GNA14: variants seen among roughly 807,000 people sequenced by gnomAD.
The protein encoded by GNA14 is guanine nucleotide-binding protein subunit alpha-14.
GNA14 carries 50 observed loss-of-function variants against 42.0 expected under a neutral mutation model. That is an observed-to-expected ratio of 1.19 (90% CI 0.95 to 1.51). GNA14 has a LOEUF of 1.51. Among genes scored for constraint, GNA14 ranks in the 40% most tolerant of loss-of-function variants. The pLI, the probability that GNA14 is intolerant of heterozygous loss-of-function variation, is 0.00. For synonymous variants in GNA14, 173 were observed against 163.1 expected, an observed-to-expected ratio of 1.06 and a Z score of -0.46; for missense variants, 473 against 446.2, an observed-to-expected ratio of 1.06 and a Z score of -0.54.
intron 2 of GNA14, among the ~76,000 whole-genome samples, chr9:77,485,764 T>C (rs758559743): frequency 6.6e-6 from 1 of 152,178 alleles, no homozygotes; most frequent in Non-Finnish European, 1.5e-5. Context: ...ACCAGGTGCA[T>C]TGTCAATGAG....
intron 1 of GNA14, among the ~76,000 whole-genome samples, chr9:77,562,275 G>T (rs1564054233): frequency 6.6e-6 from 1 of 152,110 alleles, no homozygotes; most frequent in Non-Finnish European, 1.5e-5. Context: ...TGGAAAGTCT[G>T]GGGAGAAAGA....
intron 1 of GNA14, among the ~76,000 whole-genome samples, chr9:77,573,783 T>G (rs1285013286): frequency 6.6e-6 from 1 of 152,212 alleles, no homozygotes; most frequent in Non-Finnish European, 1.5e-5. Flanking sequence ...TTATAACTTC[T>G]GTCTGCTTCT....
At chr9:77,451,909 G>A (rs1835908042) in intron 2 of GNA14, among the ~76,000 whole-genome samples, 2 of 152,278 alleles carry the variant, frequency 1.3e-5, no homozygotes, top group East Asian at 1.9e-4. Flanking sequence ...GCAACCAGAC[G>A]AGCACAGGTA....
At chr9:77,638,176 T>C (rs1824211273) in intron 1 of GNA14, among the ~76,000 whole-genome samples, 1 of 152,192 alleles carries the variant, frequency 6.6e-6, no homozygotes, top group Admixed American at 6.5e-5. Flanking sequence ...CACTGTACCA[T>C]CCAGTCATTA....
chr9:77,554,446 G>GT (rs1443879890), intron 1 of GNA14, among the ~76,000 whole-genome samples: 1 of 152,084 alleles, frequency 6.6e-6, no homozygotes, highest in Admixed American at 6.5e-5. Flanking sequence ...TTTGTTAAAA[G>GT]TTTTTTTAAA....
At chr9:77,439,853 C>A (rs919932298) in intron 2 of GNA14, among the ~76,000 whole-genome samples, 1 of 151,936 alleles carries the variant, frequency 6.6e-6, no homozygotes, top group Non-Finnish European at 1.5e-5. Context: ...GACAAAGAGT[C>A]GGAAGAGGAC....
intron 1 of GNA14, among the ~76,000 whole-genome samples, chr9:77,584,007 A>C (rs995728655): frequency 6.6e-6 from 1 of 152,200 alleles, no homozygotes; most frequent in Non-Finnish European, 1.5e-5. Context: ...CTCAACAAAC[A>C]CAGCTAACCT....
chr9:77,504,040 G>A (rs936410167), intron 2 of GNA14, among the ~76,000 whole-genome samples: 2 of 152,080 alleles, frequency 1.3e-5, no homozygotes, highest in African/African-American at 4.8e-5. Flanking sequence ...AAACAGGGAA[G>A]CAAAGTGGCC....
intron 2 of GNA14, chr9:77,456,610 A>G (rs1836003852): frequency 6.6e-6 from 1 of 152,242 alleles, no homozygotes; most frequent in East Asian, 1.9e-4. Flanking sequence ...GACTGTTTCC[A>G]TATGGAAGAC....
At chr9:77,591,355 AG>A (rs1823388884) in intron 1 of GNA14, among the ~76,000 whole-genome samples, 2 of 152,244 alleles carry the variant, frequency 1.3e-5, no homozygotes, top group South Asian at 4.1e-4. Flanking sequence ...GTGAAGTTAC[AG>A]GAAGATAGAG....
At chr9:77,533,462 G>A (rs1275048596) in intron 1 of GNA14, among the ~76,000 whole-genome samples, 1 of 152,220 alleles carries the variant, frequency 6.6e-6, no homozygotes, top group African/African-American at 2.4e-5. Context: ...TTACAGGCGT[G>A]AGCCACCATG....
chr9:77,447,475 T>A (rs76938631), intron 2 of GNA14, among the ~76,000 whole-genome samples: 2,285 of 152,302 alleles, frequency 0.015, 24 homozygotes, highest in Non-Finnish European at 0.023. Flanking sequence ...GAGAGAATTC[T>A]ATTTCTTTTT....
intron 1 of GNA14, among the ~76,000 whole-genome samples, chr9:77,644,552 G>A (rs116016182): frequency 0.011 from 1,656 of 151,484 alleles, 35 homozygotes; most frequent in African/African-American, 0.038. Context: ...AGAGGCCTCC[G>A]GAAAAACCAA....
chr9:77,458,906 G>GGGGC (rs1564020442), intron 2 of GNA14, among the ~76,000 whole-genome samples: 1 of 113,012 alleles, frequency 8.8e-6, no homozygotes, highest in Non-Finnish European at 2.0e-5. Flanking sequence ...CAAGCTGGAG[G>GGGGC]GGGGGGGGTT....
intron 1 of GNA14, among the ~76,000 whole-genome samples, chr9:77,555,455 G>A (rs1822760021): frequency 6.6e-6 from 1 of 152,244 alleles, no homozygotes; most frequent in Non-Finnish European, 1.5e-5. Context: ...AATGAACCGA[G>A]ACTGCACCAC....
intron 2 of GNA14, among the ~76,000 whole-genome samples, chr9:77,458,172 T>C (rs1483461480): frequency 2.0e-5 from 3 of 152,212 alleles, no homozygotes; most frequent in Non-Finnish European, 2.9e-5. Flanking sequence ...AGAGCGTATG[T>C]CCTGTCTTTC....
At chr9:77,501,987 G>T (rs574057865) in intron 2 of GNA14, among the ~76,000 whole-genome samples, 1 of 152,106 alleles carries the variant, frequency 6.6e-6, no homozygotes, top group Non-Finnish European at 1.5e-5. Context: ...GATTACAGGC[G>T]TGAGCCACCG....
At chr9:77,641,582 AAG>A (rs1012016349) in intron 1 of GNA14, among the ~76,000 whole-genome samples, 13 of 152,184 alleles carry the variant, frequency 8.5e-5, no homozygotes, top group African/African-American at 3.1e-4. Context: ...GTTAAAAAAA[AAG>A]GGAGAGGGGA....
At chr9:77,471,446 A>T (rs1014505376) in intron 2 of GNA14, among the ~76,000 whole-genome samples, 4 of 152,140 alleles carry the variant, frequency 2.6e-5, no homozygotes, top group African/African-American at 9.7e-5. Context: ...CAAATTTGAG[A>T]GGGGCAACAT....
Sources: allele counts gnomAD v4.1 joint callset (sites outside exome capture counted in the v4.1 genomes callset), GRCh38; gene constraint gnomAD v4.1.1; transcripts MANE v1.5; gene names NCBI Gene and HGNC (gene_info 2026-07-23, HGNC 2026-07-21).